SHROOM3: variants seen among roughly 807,000 people sequenced by gnomAD.
The protein encoded by SHROOM3 is shroom family member 3, also known as protein Shroom3.
A neutral mutation model predicts 138.6 loss-of-function variants in SHROOM3; 47 were observed. The observed-to-expected ratio is 0.34, with a 90% CI of 0.27 to 0.43. SHROOM3 has a LOEUF of 0.43. Ranked by LOEUF, SHROOM3 falls within the 20% of genes least tolerant of loss-of-function variation. SHROOM3 has a pLI of 1.00. For synonymous variants in SHROOM3, 1,062 were observed against 1,063.3 expected (o/e 1.00, Z 0.02); for missense variants, 2,491 against 2,596.5 (o/e 0.96, Z 0.88).
chr4:76,555,606 C>T lies in SHROOM3; in HGVS notation c.169-3C>T. 1 of 1,613,220 alleles carries T rather than the reference C, an allele frequency of 6.2e-7. No individual in the cohort carries two copies. Among genetic ancestry groups the T allele is most frequent in the South Asian group, 1.1e-5 (1 of 91,038 alleles). ...TGGCTGTCGCATCTCTCCCTCCAAG[C>T]AGGTCGAAGAAGGGGGCAAAGCAGA... On this transcript the variant is annotated splice_polypyrimidine_tract_variant and splice_region_variant and intron_variant, in intron 1 of 10. Transcript: ENST00000296043.
chr4:76,751,655 C>A (rs538437273), intron 6 of SHROOM3, among the ~76,000 whole-genome samples: 1 of 152,232 alleles, frequency 6.6e-6, no homozygotes, highest in Non-Finnish European at 1.5e-5. Flanking sequence ...TAAAAATGGG[C>A]AAAAGACTTA....
At chr4:76,693,761 G>A (rs911848022) in intron 2 of SHROOM3, among the ~76,000 whole-genome samples, 14 of 151,386 alleles carry the variant, frequency 9.2e-5, no homozygotes, top group African/African-American at 3.4e-4. Flanking sequence ...TACTACTGGG[G>A]TTTGGTTTTG....
rs779867186 is a variant in SHROOM3 at position 76,740,269 on chromosome 4, C to T, written c.2096C>T (p.Thr699Ile). Residue 699 changes from threonine (T) to isoleucine (I), a missense_variant, in exon 5 of 11, where the codon ACC becomes ATC. Around this residue, in one of 4 missense-constraint regions of SHROOM3, gnomAD observed 1,733 missense variants for 1,661.6 expected, o/e 1.04. Coordinates refer to ENST00000296043, the MANE Select transcript of SHROOM3 (RefSeq NM_020859.4). This position sits in a 1 kb window ranked among gnomAD's most constrained non-coding sequence, Gnocchi z 4.0. ...PGGRPTCAVN[T>I]KAEDPGRKAA... ...GGCAGGCCCACCTGTGCAGTCAACACCAAGGCAGAAGACCCTGGGAGGAAA... is the reference window on the plus strand; with the variant it reads ...GGCAGGCCCACCTGTGCAGTCAACATCAAGGCAGAAGACCCTGGGAGGAAA... The T allele has an allele frequency of 9.3e-6, 15 of 1,613,110 alleles. No homozygotes were observed. The Admixed American group carries it at 2.5e-4, about 27-fold the overall frequency.
intron 2 of SHROOM3, among the ~76,000 whole-genome samples, chr4:76,609,364 C>A (rs1453864485): frequency 6.6e-6 from 1 of 152,178 alleles, no homozygotes; most frequent in Non-Finnish European, 1.5e-5. Flanking sequence ...CTCATTGTAA[C>A]CTCAAACTCC....
At chr4:76,647,928 AT>A (rs1735861969) in intron 2 of SHROOM3, among the ~76,000 whole-genome samples, 2 of 152,282 alleles carry the variant, frequency 1.3e-5, no homozygotes, top group African/African-American at 4.8e-5. Flanking sequence ...GAAAAAAACT[AT>A]GGACCTAGAT....
rs1349784356 is a variant in SHROOM3 at position 76,756,776 on chromosome 4, C to G, written c.5037C>G (p.Asp1679Glu). The G allele has an allele frequency of 6.2e-7, 1 of 1,614,190 alleles. No individual in the cohort carries two copies. The highest frequency in any genetic ancestry group is 2.2e-5 in the East Asian group (1 of 44,886). Residue 1679 changes from aspartate (D) to glutamate (E), a missense_variant, in exon 8 of 11, where the codon GAC becomes GAG. This residue lies in a region of SHROOM3 where 470 missense variants were observed against 595.0 expected (regional missense o/e 0.79). Transcript: ENST00000296043. ...EALAKEIVHQ[D>E]KSLADILDPD... ...TGGCCAAGGAAATTGTCCACCAAGA[C>G]AAATCTCTAGCAGACATTTTGGATC...
In SHROOM3 at chr4:76,740,958, A is replaced by G. The variant is rs1306816974; in HGVS notation, c.2785A>G (p.Lys929Glu). The change falls in exon 5 of 11, where the codon AAG (lysine) becomes GAG (glutamate). Residue 929 changes from lysine to glutamate, a missense_variant. Around this residue, in one of 4 missense-constraint regions of SHROOM3, gnomAD observed 1,733 missense variants for 1,661.6 expected, o/e 1.04. Coordinates refer to ENST00000296043, the MANE Select transcript of SHROOM3 (RefSeq NM_020859.4). The surrounding 1 kb of genome is among the most constrained non-coding windows in gnomAD (Gnocchi z 4.0). ...PFSRAYRNSI[K>E]DAQSRVLGAT... ...CAGCCGCGCCTACCGGAACAGCATC[A>G]AGGACGCACAGTCCCGTGTCTTGGG... 6.7e-7 allele frequency: 1 copy of G among 1,496,744 alleles called. No individual in the cohort carries two copies. Among genetic ancestry groups the G allele is most frequent in the East Asian group, 2.4e-5 (1 of 41,774 alleles). 92.7% of individuals were successfully genotyped at this position (1,496,744 alleles called of 1,614,324 possible).
intron 1 of SHROOM3, among the ~76,000 whole-genome samples, chr4:76,455,320 A>G (rs1731006136): frequency 6.6e-6 from 1 of 152,126 alleles, no homozygotes; most frequent in Non-Finnish European, 1.5e-5. Flanking sequence ...AAAAAAATCT[A>G]TGAAAGTATC....
intron 2 of SHROOM3, chr4:76,559,637 CG>C (rs759350327): frequency 5.9e-5 from 9 of 152,098 alleles, no homozygotes; most frequent in Non-Finnish European, 1.0e-4. Context: ...TGGGCGAGGG[CG>C]GCACCTCATG....
intron 1 of SHROOM3, among the ~76,000 whole-genome samples, chr4:76,554,506 G>A (rs1173210553): frequency 1.1e-4 from 16 of 150,164 alleles, no homozygotes; most frequent in African/African-American, 3.9e-4. Flanking sequence ...TGCAAGCGTC[G>A]GCTCTTGGGT....
intron 2 of SHROOM3, among the ~76,000 whole-genome samples, chr4:76,703,287 G>A (rs1285218945): frequency 1.3e-5 from 2 of 152,024 alleles, no homozygotes; most frequent in Non-Finnish European, 2.9e-5. Context: ...TGCAGAGGGA[G>A]CTTCCTAGAT....
chr4:76,588,785 C>G (rs1394829851), intron 2 of SHROOM3, among the ~76,000 whole-genome samples: 1 of 152,072 alleles, frequency 6.6e-6, no homozygotes, highest in African/African-American at 2.4e-5. Context: ...AGCTTCCTCA[C>G]CTCCACCCCT....
intron 2 of SHROOM3, among the ~76,000 whole-genome samples, chr4:76,569,837 C>A (rs929616044): frequency 1.3e-5 from 2 of 152,058 alleles, no homozygotes; most frequent in African/African-American, 4.8e-5. Flanking sequence ...TTAACAGATG[C>A]CAACACCCAC....
At chr4:76,632,809 T>C (rs906890717) in intron 2 of SHROOM3, among the ~76,000 whole-genome samples, 1 of 152,122 alleles carries the variant, frequency 6.6e-6, no homozygotes, top group African/African-American at 2.4e-5. Context: ...GGGGATTAAG[T>C]TTTCATGGAG....
chr4:76,627,020 A>G (rs1735165529), intron 2 of SHROOM3, among the ~76,000 whole-genome samples: 1 of 152,204 alleles, frequency 6.6e-6, no homozygotes, highest in Admixed American at 6.5e-5. Context: ...TCCTATGTCC[A>G]AATGATTAGG....
chr4:76,686,668 A>G (rs767579534), intron 2 of SHROOM3, among the ~76,000 whole-genome samples: 4 of 152,170 alleles, frequency 2.6e-5, no homozygotes, highest in Admixed American at 6.5e-5. Context: ...CTCAATATCT[A>G]TATGAATCAG....
intron 2 of SHROOM3, among the ~76,000 whole-genome samples, chr4:76,613,263 T>A (rs1482358287): frequency 6.6e-6 from 1 of 152,204 alleles, no homozygotes; most frequent in South Asian, 2.1e-4. Context: ...TTCCCACTAC[T>A]GGACAAGTCA....
Position 76,486,026 on chromosome 4 carries a change from C to T in SHROOM3, c.168+49806C>T, listed in dbSNP as rs78356703. Among the ~76,000 whole-genome samples the T allele has an allele frequency of 3.2e-3, 487 of 151,818 alleles. 18 individuals are homozygous for T. The South Asian group carries it at 0.068, about 21-fold the overall frequency. On this transcript the variant is annotated intron_variant, in intron 1 of 10. Coordinates refer to ENST00000296043, the MANE Select transcript of SHROOM3 (RefSeq NM_020859.4). Reference sequence around the variant, plus strand: ...ATTTTATTTATTTATTTATTTTTTGCGTTTTTCAATCTTGGATAGGACTAG... The same window carrying T: ...ATTTTATTTATTTATTTATTTTTTGTGTTTTTCAATCTTGGATAGGACTAG...
At chr4:76,705,114 T>G (rs1405242252) in intron 2 of SHROOM3, among the ~76,000 whole-genome samples, 3 of 152,146 alleles carry the variant, frequency 2.0e-5, no homozygotes, top group Non-Finnish European at 2.9e-5. Flanking sequence ...CTGAAAGATC[T>G]GGAACCCTTT....
Sources: gnomAD v4.1 joint callset for allele counts (sites outside exome capture counted in the v4.1 genomes callset) on GRCh38, gnomAD v4.1.1 for gene constraint, gnomAD v4.1.1 regional missense constraint, Gnocchi (gnomAD v3.1) non-coding constraint, MANE v1.5 for transcripts, NCBI Gene and HGNC (gene_info 2026-07-23, HGNC 2026-07-21) for gene names.